GULP1: variants seen among roughly 807,000 people sequenced by gnomAD.
GULP1 encodes GULP PTB domain containing engulfment adaptor 1, also known as PTB domain-containing engulfment adapter protein 1.
Under a neutral mutation model 40.9 loss-of-function variants are expected in GULP1, and 19 were observed. That is an observed-to-expected ratio of 0.46 (90% confidence interval 0.32 to 0.68). The LOEUF (loss-of-function observed/expected upper bound fraction) is 0.68, where lower values mean the gene tolerates loss of function less well. Ranked by LOEUF, GULP1 falls within the 30% of genes least tolerant of loss-of-function variation. The pLI is 0.03. For missense variants in GULP1, 312 were observed against 362.2 expected, an observed-to-expected ratio of 0.86 and a Z score of 1.12; for synonymous variants, 119 against 117.6, an observed-to-expected ratio of 1.01 and a Z score of -0.08.
At chr2:188,473,161 C>T (rs1231756505) in intron 2 of GULP1, among the ~76,000 whole-genome samples, 2 of 151,772 alleles carry the variant, frequency 1.3e-5, no homozygotes, top group African/African-American at 4.8e-5. Flanking sequence ...CTCTTTCTCT[C>T]TCTCTCTCTC....
At chr2:188,479,171 GAAGT>G (rs1455157234) in intron 3 of GULP1, among the ~76,000 whole-genome samples, 1 of 152,034 alleles carries the variant, frequency 6.6e-6, no homozygotes, top group Non-Finnish European at 1.5e-5. Context: ...TTTGGTCTCT[GAAGT>G]GAGAGGTGTT....
intron 6 of GULP1, among the ~76,000 whole-genome samples, chr2:188,538,694 A>AGTGTGTGT (rs113650180): frequency 3.7e-4 from 53 of 144,806 alleles, no homozygotes; most frequent in African/African-American, 1.3e-3. Context: ...TGTGTGTGTG[A>AGTGTGTGT]GTGTGTGTGT....
In GULP1 at chr2:188,587,824, T is replaced by A. The variant is rs774320524; in HGVS notation, c.749-31T>A. 3 of 1,213,050 alleles carry A rather than the reference T, an allele frequency of 2.5e-6. No individual in the cohort carries two copies. The African/African-American group carries it at 4.5e-5, about 18-fold the overall frequency. The allele number at this position is 1,213,050 out of a possible 1,614,324, so 75.1% of individuals were successfully genotyped here. Reference sequence around the variant, plus strand: ...CTAACTCCAGCTCACTTCTTGTTATTTCATTTACTAAATTATTTCCTTCCT... The same window carrying A: ...CTAACTCCAGCTCACTTCTTGTTATATCATTTACTAAATTATTTCCTTCCT... On this transcript the variant is annotated intron_variant, in intron 10 of 11. Coordinates refer to ENST00000409830, the MANE Select transcript of GULP1 (RefSeq NM_016315.4).
intron 11 of GULP1, chr2:188,592,945 A>G (rs1703864810): frequency 6.6e-6 from 1 of 152,086 alleles, no homozygotes; most frequent in Non-Finnish European, 1.5e-5. Context: ...ATTTGCCAAT[A>G]ATGTGTTGCA....
chr2:188,538,694 AGTGTGTGT>A (rs113650180), intron 6 of GULP1, among the ~76,000 whole-genome samples: 6 of 144,726 alleles, frequency 4.1e-5, no homozygotes, highest in East Asian at 2.1e-4. Flanking sequence ...TGTGTGTGTG[AGTGTGTGT>A]GTGTGTGTGT....
chr2:188,529,520 A>C (rs551949115), intron 6 of GULP1, among the ~76,000 whole-genome samples: 2 of 152,274 alleles, frequency 1.3e-5, no homozygotes, highest in South Asian at 4.1e-4. Flanking sequence ...AAGAAGATAA[A>C]AGCTGTGTGT....
chr2:188,489,319 C>T lies in GULP1; in HGVS notation c.90+5827C>T, dbSNP rs537924924. Among the ~76,000 whole-genome samples the T allele has an allele frequency of 5.9e-5, 9 of 152,036 alleles. No individual in the cohort carries two copies. The East Asian group carries it at 1.6e-3, about 26-fold the overall frequency. Reference sequence around the variant, plus strand: ...AGAGCAGTTTTATACAAGCAGCAAACATAAGCACTTGCCAGTTTTGCTGGT... The same window carrying T: ...AGAGCAGTTTTATACAAGCAGCAAATATAAGCACTTGCCAGTTTTGCTGGT... On this transcript the variant is annotated intron_variant, in intron 4 of 11. Coordinates refer to ENST00000409830, the MANE Select transcript of GULP1 (RefSeq NM_016315.4).
intron 1 of GULP1, among the ~76,000 whole-genome samples, chr2:188,383,053 T>A (rs2049208970): frequency 6.6e-6 from 1 of 152,140 alleles, no homozygotes; most frequent in African/African-American, 2.4e-5. Flanking sequence ...TTCTTCCCCC[T>A]CCCTCAAAAA....
chr2:188,415,957 C>A (rs1175101302), intron 2 of GULP1, among the ~76,000 whole-genome samples: 2 of 152,168 alleles, frequency 1.3e-5, no homozygotes, highest in East Asian at 3.9e-4. Context: ...AAGCTCCTTT[C>A]TGCAAATGTT....
intron 9 of GULP1, among the ~76,000 whole-genome samples, chr2:188,571,828 C>A (rs772336957): frequency 6.6e-6 from 1 of 152,082 alleles, no homozygotes; most frequent in Non-Finnish European, 1.5e-5. Flanking sequence ...GTTTTGATAA[C>A]GTAGTTGTTT....
intron 4 of GULP1, among the ~76,000 whole-genome samples, chr2:188,517,513 T>C (rs1375680952): frequency 6.6e-6 from 1 of 152,170 alleles, no homozygotes; most frequent in Non-Finnish European, 1.5e-5. Context: ...GTTGCTGTTT[T>C]TTTTCCCCCA....
At position 188,594,495 on chromosome 2, in the gene GULP1, T is replaced by C. The variant is rs1389116293; in HGVS notation, c.*484T>C. The C allele has an allele frequency of 6.6e-6, 1 of 152,048 alleles. No individual in the cohort carries two copies. Among genetic ancestry groups the C allele is most frequent in the Admixed American group, 6.6e-5 (1 of 15,232 alleles). The allele number at this position is 152,048 out of a possible 1,614,324, so 9.4% of individuals were successfully genotyped here. On this transcript the variant is annotated 3_prime_UTR_variant, in exon 12 of 12. Coordinates refer to ENST00000409830, the MANE Select transcript of GULP1 (RefSeq NM_016315.4). ...GGACAGATATCATTTTATGTATAAATACTGTTCACATCACTGGGAAAATGT... is the reference window on the plus strand; with the variant it reads ...GGACAGATATCATTTTATGTATAAACACTGTTCACATCACTGGGAAAATGT...
chr2:188,310,456 A>G (rs1424182191), intron 1 of GULP1, among the ~76,000 whole-genome samples: 1 of 152,230 alleles, frequency 6.6e-6, no homozygotes, highest in Non-Finnish European at 1.5e-5. Flanking sequence ...AGAAAAAGAA[A>G]TAGAATCATG....
intron 3 of GULP1, among the ~76,000 whole-genome samples, chr2:188,483,024 G>A (rs959443429): frequency 6.6e-6 from 1 of 151,844 alleles, no homozygotes; most frequent in Non-Finnish European, 1.5e-5. Flanking sequence ...TATTTGCAAA[G>A]AGTTAAAGAG....
chr2:188,588,139 T>A (rs1027864149), intron 11 of GULP1, 190 bp downstream of exon 11: 55 of 592,100 alleles, frequency 9.3e-5, no homozygotes, highest in Non-Finnish European at 1.4e-4. Context: ...AAGGATAAGG[T>A]TGTTGGTTTT....
At chr2:188,447,973 A>C (rs1041423767) in intron 2 of GULP1, among the ~76,000 whole-genome samples, 35 of 152,192 alleles carry the variant, frequency 2.3e-4, no homozygotes, top group African/African-American at 8.4e-4. Context: ...TTCTGTGGGA[A>C]TATAGAGATC....
At chr2:188,310,558 A>G (rs548770697) in intron 1 of GULP1, among the ~76,000 whole-genome samples, 2 of 152,346 alleles carry the variant, frequency 1.3e-5, no homozygotes, top group East Asian at 3.9e-4. Context: ...GGAAGAAAAA[A>G]GTAAGAATTC....
chr2:188,414,291 C>T (rs1052219209), intron 2 of GULP1, among the ~76,000 whole-genome samples: 22 of 150,876 alleles, frequency 1.5e-4, no homozygotes, highest in Admixed American at 7.9e-4. Context: ...TAGTTGATGG[C>T]CAGTTTTTAG....
chr2:188,561,826 C>T (rs1282380679), intron 7 of GULP1, among the ~76,000 whole-genome samples: 3 of 152,234 alleles, frequency 2.0e-5, no homozygotes, highest in East Asian at 1.9e-4. Context: ...TTGCCTTCAG[C>T]CCTGGCAGTG....
Sources: allele counts gnomAD v4.1 joint callset (sites outside exome capture counted in the v4.1 genomes callset), GRCh38; gene constraint gnomAD v4.1.1; transcripts MANE v1.5; gene names NCBI Gene and HGNC (gene_info 2026-07-23, HGNC 2026-07-21).